TAFA2: variants seen among roughly 807,000 people sequenced by gnomAD.
The protein encoded by TAFA2 is TAFA chemokine like family member 2.
A neutral mutation model predicts 18.8 loss-of-function variants in TAFA2; 7 were observed. The observed-to-expected ratio is 0.37, with a 90% CI of 0.21 to 0.70. The LOEUF (loss-of-function observed/expected upper bound fraction) is 0.70. TAFA2 is among the 30% of genes least tolerant of loss of function. The pLI is 0.53. For missense variants in TAFA2, 122 were observed against 158.1 expected (o/e 0.77, Z 1.23); for synonymous variants, 60 against 54.2 (o/e 1.11, Z -0.47).
intron 1 of TAFA2, among the ~76,000 whole-genome samples, chr12:62,145,901 AC>A (rs2062277567): frequency 1.3e-5 from 2 of 152,164 alleles, no homozygotes; most frequent in Admixed American, 1.3e-4. Flanking sequence ...TGTTGGCGAT[AC>A]CCCCTTGGGT....
chr12:61,754,885 T>C lies in TAFA2; in HGVS notation c.246A>G (p.Pro82=), dbSNP rs1869188298. ...GQVAGTTRAA[P]SCVDASIVEQ... ...AAGAAGTCACACCATCCACACATGA[T>C]GGAGCAGCTCGCGTGGTGCCTGCCA... Residue 82 remains proline (P), a synonymous_variant, in exon 3 of 5, where the codon CCA becomes CCG. Transcript: ENST00000416284. The C allele has an allele frequency of 1.2e-6, 2 of 1,612,626 alleles. No homozygotes were observed. The highest frequency in any genetic ancestry group is 1.7e-5 in the Admixed American group (1 of 59,842).
At chr12:61,785,224 G>A (rs192993310) in intron 2 of TAFA2, among the ~76,000 whole-genome samples, 39 of 150,944 alleles carry the variant, frequency 2.6e-4, no homozygotes, top group African/African-American at 8.3e-4. Flanking sequence ...TTAACTTTCC[G>A]TTCCTGGCTG....
chr12:62,248,822 T>C (rs1007536009), intron 1 of TAFA2, among the ~76,000 whole-genome samples: 4 of 152,218 alleles, frequency 2.6e-5, no homozygotes, highest in African/African-American at 9.6e-5. Context: ...AGTAGTTAAG[T>C]ACATTAACAT....
At chr12:61,967,657 C>G (rs1879114004) in intron 1 of TAFA2, among the ~76,000 whole-genome samples, 1 of 151,768 alleles carries the variant, frequency 6.6e-6, no homozygotes, top group African/African-American at 2.4e-5. Context: ...AAATAACATT[C>G]AAAGAAGCAT....
intron 1 of TAFA2, among the ~76,000 whole-genome samples, chr12:62,231,610 T>C (rs2062812199): frequency 6.6e-6 from 1 of 152,216 alleles, no homozygotes; most frequent in East Asian, 1.9e-4. Flanking sequence ...GCTATTTTGT[T>C]ACATGTTTTT....
chr12:61,904,080 G>C (rs537467326), intron 1 of TAFA2, among the ~76,000 whole-genome samples: 2 of 152,250 alleles, frequency 1.3e-5, no homozygotes, highest in East Asian at 3.9e-4. Context: ...GAAGTTAAAA[G>C]TAGAAACCTC....
chr12:62,033,230 C>T (rs1382044678), intron 1 of TAFA2, among the ~76,000 whole-genome samples: 1 of 152,168 alleles, frequency 6.6e-6, no homozygotes, highest in Non-Finnish European at 1.5e-5. Context: ...TGAAACACTA[C>T]CATGTGCCCA....
chr12:61,936,194 C>T (rs1877758722), intron 1 of TAFA2, among the ~76,000 whole-genome samples: 1 of 152,118 alleles, frequency 6.6e-6, no homozygotes, highest in Admixed American at 6.6e-5. Flanking sequence ...TCAATAAATG[C>T]AATACATCAC....
chr12:62,220,866 G>T (rs1310330699), intron 1 of TAFA2, among the ~76,000 whole-genome samples: 2 of 152,054 alleles, frequency 1.3e-5, no homozygotes, highest in African/African-American at 4.8e-5. Flanking sequence ...CCAGCACTTT[G>T]GTGAGGCCGA....
intron 1 of TAFA2, among the ~76,000 whole-genome samples, chr12:62,246,136 G>T (rs1247187871): frequency 1.3e-5 from 2 of 151,960 alleles, no homozygotes; most frequent in African/African-American, 4.8e-5. Flanking sequence ...ACAGGCGCCC[G>T]CCACAATGCC....
intron 1 of TAFA2, among the ~76,000 whole-genome samples, chr12:62,051,729 A>C (rs1004559961): frequency 5.3e-5 from 8 of 151,838 alleles, no homozygotes; most frequent in Non-Finnish European, 1.0e-4. Context: ...ACAGGTGTGC[A>C]TAGTGCCTGA....
chr12:62,125,099 A>G (rs767847610), intron 1 of TAFA2, among the ~76,000 whole-genome samples: 1 of 152,106 alleles, frequency 6.6e-6, no homozygotes, highest in Non-Finnish European at 1.5e-5. Flanking sequence ...GAGGTTGGGG[A>G]AAAAGCCAAA....
chr12:62,116,966 A>G (rs546166634), intron 1 of TAFA2, among the ~76,000 whole-genome samples: 4 of 152,300 alleles, frequency 2.6e-5, no homozygotes, highest in African/African-American at 9.6e-5. Flanking sequence ...CCTTAAAAGA[A>G]GAGGAGACAC....
At chr12:62,004,636 G>A (rs80155130) in intron 1 of TAFA2, among the ~76,000 whole-genome samples, 9,804 of 152,136 alleles carry the variant, frequency 0.064, 405 homozygotes, top group Non-Finnish European at 0.1. Context: ...AGCGGGATGG[G>A]CAAGATATAG....
chr12:61,759,235 C>T (rs573023845), intron 2 of TAFA2, among the ~76,000 whole-genome samples: 3 of 152,144 alleles, frequency 2.0e-5, no homozygotes, highest in South Asian at 4.1e-4. Context: ...ATTCACTAGT[C>T]CTGTTGACCA....
At chr12:62,202,843 T>C (rs1354454306) in intron 1 of TAFA2, among the ~76,000 whole-genome samples, 1 of 145,352 alleles carries the variant, frequency 6.9e-6, no homozygotes, top group African/African-American at 2.5e-5. Flanking sequence ...TTTTTTTTTT[T>C]TTTTTAGACA....
At chr12:61,925,039 A>G (rs77883490) in intron 1 of TAFA2, among the ~76,000 whole-genome samples, 1 of 152,342 alleles carries the variant, frequency 6.6e-6, no homozygotes, top group South Asian at 2.1e-4. Flanking sequence ...AGACGTAACT[A>G]TACTAAATAT....
At chr12:62,138,208 CA>C (rs1257763209) in intron 1 of TAFA2, among the ~76,000 whole-genome samples, 1 of 152,052 alleles carries the variant, frequency 6.6e-6, no homozygotes, top group Admixed American at 6.6e-5. Flanking sequence ...GGTTTGAGCC[CA>C]GGAGTTCAAA....
intron 1 of TAFA2, among the ~76,000 whole-genome samples, chr12:62,003,617 C>G (rs1051844251): frequency 2.0e-5 from 3 of 152,048 alleles, no homozygotes; most frequent in African/African-American, 7.2e-5. Context: ...TTCTTTTTAC[C>G]ACTGCACTTT....
Sources: allele counts gnomAD v4.1 joint callset (sites outside exome capture counted in the v4.1 genomes callset), GRCh38; gene constraint gnomAD v4.1.1; transcripts MANE v1.5; gene names NCBI Gene and HGNC (gene_info 2026-07-23, HGNC 2026-07-21).